Variants in NOS1AP observed in about 807,000 individuals in gnomAD.
The protein encoded by NOS1AP is nitric oxide synthase 1 adaptor protein.
NOS1AP carries 21 observed loss-of-function variants against 56.2 expected under a neutral mutation model. The observed-to-expected ratio is 0.37, with a 90% CI of 0.26 to 0.54. The LOEUF is 0.54. Among genes scored for constraint, NOS1AP ranks in the 20% least tolerant of loss-of-function variants. The pLI is 0.84. For synonymous variants in NOS1AP, 270 were observed against 274.6 expected (o/e 0.98, Z 0.17); for missense variants, 522 against 657.8 (o/e 0.79, Z 2.26).
At chr1:162,162,010 G>A (rs972995959) in intron 2 of NOS1AP, among the ~76,000 whole-genome samples, 9 of 152,190 alleles carry the variant, frequency 5.9e-5, no homozygotes, top group Non-Finnish European at 5.9e-5. Flanking sequence ...ATTTAGGAAT[G>A]TATGTTCAAG....
intron 2 of NOS1AP, among the ~76,000 whole-genome samples, chr1:162,268,797 G>C (rs1654501013): frequency 6.6e-6 from 1 of 151,770 alleles, no homozygotes; most frequent in African/African-American, 2.4e-5. Context: ...AGGGTTGAAA[G>C]GTTTAAAAAA....
intron 1 of NOS1AP, among the ~76,000 whole-genome samples, chr1:162,105,893 C>T (rs569808861): frequency 1.3e-5 from 2 of 152,342 alleles, no homozygotes; most frequent in South Asian, 2.1e-4. Context: ...TCTCAATCCA[C>T]GTGGTGCTGT....
intron 2 of NOS1AP, among the ~76,000 whole-genome samples, chr1:162,257,236 C>A (rs1654059309): frequency 6.6e-6 from 1 of 152,118 alleles, no homozygotes; most frequent in Non-Finnish European, 1.5e-5. Flanking sequence ...TTGCCAAATG[C>A]TGGGGAGTTG....
At chr1:162,219,644 C>T (rs147420033) in intron 2 of NOS1AP, among the ~76,000 whole-genome samples, 29 of 152,332 alleles carry the variant, frequency 1.9e-4, no homozygotes, top group African/African-American at 6.7e-4. Flanking sequence ...TGTTAATCTT[C>T]GAAGTGGCTG....
At chr1:162,149,586 G>T (rs954103175) in intron 1 of NOS1AP, among the ~76,000 whole-genome samples, 1 of 152,206 alleles carries the variant, frequency 6.6e-6, no homozygotes, top group Non-Finnish European at 1.5e-5. Context: ...GTTTTGCCCT[G>T]TGCAGTAGAC....
chr1:162,215,121 G>A (rs1423006221), intron 2 of NOS1AP, among the ~76,000 whole-genome samples: 1 of 152,144 alleles, frequency 6.6e-6, no homozygotes, highest in Non-Finnish European at 1.5e-5. Flanking sequence ...GGATCTCACG[G>A]GTCCTCAAGG....
At chr1:162,210,998 G>T (rs1186212319) in intron 2 of NOS1AP, among the ~76,000 whole-genome samples, 2 of 152,140 alleles carry the variant, frequency 1.3e-5, no homozygotes, top group Non-Finnish European at 2.9e-5. Flanking sequence ...GAAGAAAGTT[G>T]GTCTCTTGCT....
intron 2 of NOS1AP, among the ~76,000 whole-genome samples, chr1:162,210,955 C>T (rs1049954102): frequency 5.3e-5 from 8 of 152,206 alleles, no homozygotes; most frequent in African/African-American, 1.9e-4. Flanking sequence ...CAGTGCTGCC[C>T]ACAAGCCTGG....
At chr1:162,353,752 G>A (rs1657601367) in intron 6 of NOS1AP, among the ~76,000 whole-genome samples, 1 of 152,110 alleles carries the variant, frequency 6.6e-6, no homozygotes, top group African/African-American at 2.4e-5. Context: ...GCTTTTTCCT[G>A]TACAGGCATG....
chr1:162,211,035 A>G (rs1652332665), intron 2 of NOS1AP, among the ~76,000 whole-genome samples: 1 of 152,144 alleles, frequency 6.6e-6, no homozygotes, highest in Non-Finnish European at 1.5e-5. Flanking sequence ...ACTTCCCACC[A>G]TTGTGTTCTT....
intron 2 of NOS1AP, among the ~76,000 whole-genome samples, chr1:162,230,187 A>G (rs1653079213): frequency 1.3e-5 from 2 of 152,150 alleles, no homozygotes. Flanking sequence ...GCACCACAGG[A>G]CAGGGCTGGT....
intron 2 of NOS1AP, among the ~76,000 whole-genome samples, chr1:162,191,652 T>C (rs1468356937): frequency 6.6e-6 from 1 of 152,124 alleles, no homozygotes; most frequent in Non-Finnish European, 1.5e-5. Context: ...CTGGCTACAT[T>C]CTCTTCCTCT....
intron 1 of NOS1AP, among the ~76,000 whole-genome samples, chr1:162,081,944 T>C (rs1691904749): frequency 6.6e-6 from 1 of 151,256 alleles, no homozygotes; most frequent in Non-Finnish European, 1.5e-5. Context: ...TTGAAAAACC[T>C]TTTATTTTAA....
At chr1:162,196,525 A>G (rs892511194) in intron 2 of NOS1AP, among the ~76,000 whole-genome samples, 4 of 152,206 alleles carry the variant, frequency 2.6e-5, no homozygotes, top group African/African-American at 9.6e-5. Flanking sequence ...AATATAAAAC[A>G]TGCCCTTCAG....
intron 2 of NOS1AP, among the ~76,000 whole-genome samples, chr1:162,243,080 T>C (rs770432358): frequency 3.3e-5 from 5 of 152,216 alleles, no homozygotes; most frequent in Non-Finnish European, 4.4e-5. Context: ...CCTACTGTTC[T>C]CAGTCTTCAA....
intron 2 of NOS1AP, among the ~76,000 whole-genome samples, chr1:162,270,610 C>T (rs985760916): frequency 6.6e-6 from 1 of 151,976 alleles, no homozygotes; most frequent in Admixed American, 6.6e-5. Flanking sequence ...AGGGACTGAG[C>T]GAGGGATTTG....
intron 2 of NOS1AP, among the ~76,000 whole-genome samples, chr1:162,257,963 T>A (rs929079822): frequency 3.9e-5 from 6 of 152,174 alleles, no homozygotes; most frequent in African/African-American, 1.4e-4. Context: ...GTGGACAGAT[T>A]TATTGCTTTG....
At chr1:162,195,250 T>C (rs1233709640) in intron 2 of NOS1AP, among the ~76,000 whole-genome samples, 1 of 152,190 alleles carries the variant, frequency 6.6e-6, no homozygotes, top group African/African-American at 2.4e-5. Context: ...ATTATTAATA[T>C]TAATACCAAA....
At chr1:162,113,810 C>T (rs1647809002) in intron 1 of NOS1AP, among the ~76,000 whole-genome samples, 1 of 152,088 alleles carries the variant, frequency 6.6e-6, no homozygotes, top group Non-Finnish European at 1.5e-5. Context: ...AAATCCAAAC[C>T]ATCTCCTCCT....
Sources: gnomAD v4.1 joint callset for allele counts (sites outside exome capture counted in the v4.1 genomes callset) on GRCh38, gnomAD v4.1.1 for gene constraint, MANE v1.5 for transcripts, NCBI Gene and HGNC (gene_info 2026-07-23, HGNC 2026-07-21) for gene names.